KCNJ6: variants seen among roughly 807,000 people sequenced by gnomAD.
KCNJ6 encodes G protein-activated inward rectifier potassium channel 2.
Under a neutral mutation model 34.2 loss-of-function variants are expected in KCNJ6, and 9 were observed. The ratio of observed to expected loss-of-function variants is 0.26; its 90% CI spans 0.16 to 0.46. KCNJ6 has a LOEUF of 0.46. KCNJ6 is among the 20% of genes least tolerant of loss of function. The probability of loss-of-function intolerance (pLI) is 1.00; values close to 1 mark genes in which losing one functional copy is unlikely to be tolerated. For synonymous variants in KCNJ6, 196 were observed against 207.1 expected (o/e 0.95, Z 0.46); for missense variants, 236 against 531.3 (o/e 0.44, Z 5.46).
At chr21:37,724,961 C>T (rs1403513772) in intron 2 of KCNJ6, among the ~76,000 whole-genome samples, 2 of 151,994 alleles carry the variant, frequency 1.3e-5, no homozygotes, top group Admixed American at 6.5e-5. Flanking sequence ...AAGATTTAGG[C>T]AGGCCTTTTT....
intron 3 of KCNJ6, among the ~76,000 whole-genome samples, chr21:37,707,090 C>T (rs1787426): frequency 1 from 152,363 of 152,364 alleles, 76,181 homozygotes; most frequent in Non-Finnish European, 1. Context: ...CAGATCCCAT[C>T]GATTTGTCAT....
intron 1 of KCNJ6, among the ~76,000 whole-genome samples, chr21:37,909,751 T>C (rs1479466101): frequency 1.3e-5 from 2 of 152,216 alleles, no homozygotes; most frequent in Non-Finnish European, 2.9e-5. Context: ...ACTCTTATTG[T>C]TATTATTTTA....
At chr21:37,758,886 C>T (rs1357169077) in intron 2 of KCNJ6, among the ~76,000 whole-genome samples, 2 of 152,196 alleles carry the variant, frequency 1.3e-5, no homozygotes, top group Non-Finnish European at 1.5e-5. Context: ...CTGCCTTGGC[C>T]TCCCAAAGTG....
At chr21:37,669,577 TTGTGTG>T (rs35169360) in intron 3 of KCNJ6, among the ~76,000 whole-genome samples, 3 of 149,078 alleles carry the variant, frequency 2.0e-5, no homozygotes, top group Admixed American at 6.7e-5. Flanking sequence ...TCTGTGTGTG[TTGTGTG>T]TGTGTGTGTG....
At chr21:37,752,101 AG>A (rs2054998764) in intron 2 of KCNJ6, among the ~76,000 whole-genome samples, 1 of 152,202 alleles carries the variant, frequency 6.6e-6, no homozygotes, top group Admixed American at 6.5e-5. Context: ...TGTCACCTAA[AG>A]AAGAGCCTTC....
chr21:37,761,484 C>T (rs533957683), intron 2 of KCNJ6, among the ~76,000 whole-genome samples: 219 of 121,652 alleles, frequency 1.8e-3, no homozygotes, highest in African/African-American at 6.6e-3. Flanking sequence ...TGTATATTTG[C>T]GTGTGTGTTG....
rs138620759 is a variant in KCNJ6, at chr21:37,832,991, C to T, written c.25+7667G>A. 4.7e-3 allele frequency among the ~76,000 whole-genome samples: 709 copies of T among 150,756 alleles called. 2 individuals carry two copies. The highest frequency in any genetic ancestry group is 0.016 in the African/African-American group (635 of 40,920). ...GAGAGTAGATTATCTCCCTGTCCCC[C>T]AGTCTGGCTTCTCGGCATTTCTTTT... On this transcript the variant is annotated intron_variant, in intron 2 of 3. Coordinates refer to ENST00000609713, the MANE Select transcript of KCNJ6 (RefSeq NM_002240.5).
intron 1 of KCNJ6, among the ~76,000 whole-genome samples, chr21:37,853,853 T>TATAC (rs1317826648): frequency 7.0e-6 from 1 of 142,292 alleles, no homozygotes; most frequent in African/African-American, 2.7e-5. Flanking sequence ...TATGTATATA[T>TATAC]ATATATATAA....
chr21:37,836,964 G>A (rs1200668086), intron 2 of KCNJ6, among the ~76,000 whole-genome samples: 2 of 152,098 alleles, frequency 1.3e-5, no homozygotes, highest in Non-Finnish European at 2.9e-5. Flanking sequence ...GCCACACTTA[G>A]TTTGCTAATT....
intron 3 of KCNJ6, among the ~76,000 whole-genome samples, chr21:37,648,037 C>G (rs749217220): frequency 2.6e-5 from 4 of 152,206 alleles, no homozygotes; most frequent in Non-Finnish European, 5.9e-5. Context: ...TCTGAGGCTG[C>G]AGGAAGCCTT....
intron 2 of KCNJ6, among the ~76,000 whole-genome samples, chr21:37,758,419 C>T (rs1428775735): frequency 6.6e-6 from 1 of 152,188 alleles, no homozygotes; most frequent in Non-Finnish European, 1.5e-5. Flanking sequence ...GGAGTATCCA[C>T]AGTGGTAAGC....
intron 2 of KCNJ6, among the ~76,000 whole-genome samples, chr21:37,791,016 T>C (rs1303047909): frequency 6.6e-6 from 1 of 152,216 alleles, no homozygotes; most frequent in Non-Finnish European, 1.5e-5. Flanking sequence ...ATCTTTACCA[T>C]CTATTTTTAA....
chr21:37,655,267 G>GTGT (rs2054458134), intron 3 of KCNJ6, among the ~76,000 whole-genome samples: 1 of 98,580 alleles, frequency 1.0e-5, no homozygotes, highest in Non-Finnish European at 2.0e-5. Context: ...GAGAGAGAGA[G>GTGT]AGAGAGAGAG....
At position 37,772,391 on chromosome 21, in the gene KCNJ6, A is replaced by G. The variant is rs565558857; in HGVS notation, c.26-57260T>C. 1.6e-4 allele frequency among the ~76,000 whole-genome samples: 24 copies of G among 152,254 alleles called. 1 individual carries two copies. The highest frequency in any genetic ancestry group is 1.4e-3 in the Admixed American group (21 of 15,280). On this transcript the variant is annotated intron_variant, in intron 2 of 3. Transcript: ENST00000609713. The stretch of plus-strand genomic sequence containing the variant: ...ACACACACATGCATGCATATTTAAC[A>G]GTAGAAATTTAACCATTTGCAGATT...
rs1246913496 is a variant in KCNJ6 at position 37,675,440 on chromosome 21, G to T, written c.946+38771C>A. ...TGCGTCTTTCAGGGCTGCAGGTACG[G>T]TGCGGGTTTCTGGTGCGCTGACCGC... is the stretch of plus-strand genomic sequence containing the variant. On this transcript the variant is annotated intron_variant, in intron 3 of 3. Coordinates refer to ENST00000609713, the MANE Select transcript of KCNJ6 (RefSeq NM_002240.5). The surrounding 1 kb of genome is among the most constrained non-coding windows in gnomAD (Gnocchi z 4.2). Among the ~76,000 whole-genome samples the T allele has an allele frequency of 9.6e-5, 2 of 20,896 alleles. No homozygotes were observed. Among genetic ancestry groups the T allele is most frequent in the Non-Finnish European group, 1.7e-4 (2 of 11,618 alleles). 13.7% of individuals were successfully genotyped at this position (20,896 alleles called of 152,430 possible).
intron 2 of KCNJ6, among the ~76,000 whole-genome samples, chr21:37,783,005 C>T (rs922182369): frequency 1.3e-5 from 2 of 152,176 alleles, no homozygotes; most frequent in Non-Finnish European, 2.9e-5. Context: ...ACCCGGCCCA[C>T]CTCTGAAACC....
Position 37,796,779 on chromosome 21 carries a change from C to CTTTTTTTTTTT in KCNJ6, c.25+43868_25+43878dup, listed in dbSNP as rs1172378200. On this transcript the variant is annotated intron_variant, in intron 2 of 3. Transcript: ENST00000609713. ...GAGTGTTTGTGGGCTTTCTTTCTTT[C>CTTTTTTTTTTT]TTTTTTTTTTTTTTTTTTTTTTTTT... Among the ~76,000 whole-genome samples the CTTTTTTTTTTT allele has an allele frequency of 9.8e-5, 7 of 71,488 alleles. 1 individual carries two copies. The highest frequency in any genetic ancestry group is 3.1e-4 in the African/African-American group (5 of 15,916). 46.9% of individuals were successfully genotyped at this position (71,488 alleles called of 152,430 possible). A position where few individuals can be genotyped will look rare whatever the true frequency, so the allele number is the denominator to read the frequency against.
intron 2 of KCNJ6, among the ~76,000 whole-genome samples, chr21:37,793,570 AAGAGT>A (rs1473645831): frequency 7.9e-5 from 12 of 151,254 alleles, no homozygotes; most frequent in Non-Finnish European, 1.3e-4. Flanking sequence ...AAAAAAAAAA[AAGAGT>A]GAGAGCTATC....
chr21:37,837,113 C>T (rs2055455686), intron 2 of KCNJ6, among the ~76,000 whole-genome samples: 2 of 151,984 alleles, frequency 1.3e-5, no homozygotes. Flanking sequence ...TCATCATATA[C>T]CGTACATATA....
Sources: gnomAD v4.1 joint callset for allele counts (sites outside exome capture counted in the v4.1 genomes callset) on GRCh38, gnomAD v4.1.1 for gene constraint, Gnocchi (gnomAD v3.1) non-coding constraint, MANE v1.5 for transcripts, NCBI Gene and HGNC (gene_info 2026-07-23, HGNC 2026-07-21) for gene names.